USP38: variants seen among roughly 807,000 people sequenced by gnomAD.
USP38 encodes ubiquitin carboxyl-terminal hydrolase 38.
USP38 carries 49 observed loss-of-function variants against 94.3 expected under a neutral mutation model. The ratio of observed to expected loss-of-function variants is 0.52; its 90% CI spans 0.41 to 0.66. The LOEUF (loss-of-function observed/expected upper bound fraction) is 0.66. Ranked by LOEUF, USP38 falls within the 30% of genes least tolerant of loss-of-function variation. The pLI is 0.00. For missense variants in USP38, 1,128 were observed against 1,229.4 expected, an observed-to-expected ratio of 0.92 and a Z score of 1.23; for synonymous variants, 468 against 463.6, an observed-to-expected ratio of 1.01 and a Z score of -0.12.
At chr4:143,209,416 A>T in intron 6 of USP38, 148 bp from the exon 7 acceptor site, 1 of 483,208 alleles carries the variant, frequency 2.1e-6, no homozygotes, top group Non-Finnish European at 3.6e-6. Flanking sequence ...AGGTGGGTGG[A>T]TCATTTGAGG....
At chr4:143,203,925 A>C (rs2149608837) in intron 5 of USP38, among the ~76,000 whole-genome samples, 1 of 152,232 alleles carries the variant, frequency 6.6e-6, no homozygotes, top group South Asian at 2.1e-4. Context: ...ATCTTAGAAT[A>C]CAGGAAATGG....
At chr4:143,199,381 G>A (rs1731645593) in intron 4 of USP38, among the ~76,000 whole-genome samples, 1 of 152,056 alleles carries the variant, frequency 6.6e-6, no homozygotes, top group African/African-American at 2.4e-5. Context: ...TATCCAATCT[G>A]TCACTGATGG....
At position 143,186,065 on chromosome 4, in the gene USP38, C is replaced by G. The variant is rs563685827; in HGVS notation, c.615C>G (p.Ile205Met). The part of the protein sequence containing the change: ...VTKVSNLLQN[I>M]WKAEPATLLP... ...AAGTGAGTAACTTGCTGCAGAACAT[C>G]TGGAAGGCCGAGCCTGCCACACTAC... is the stretch of plus-strand genomic sequence containing the variant. Residue 205 changes from isoleucine to methionine, a missense_variant, in exon 1 of 10, where the codon ATC (isoleucine) becomes ATG (methionine). Coordinates refer to ENST00000307017, the MANE Select transcript of USP38 (RefSeq NM_032557.6). 1 of 1,614,188 alleles carries G rather than the reference C, an allele frequency of 6.2e-7. No homozygotes were observed. The highest frequency in any genetic ancestry group is 1.3e-5 in the African/African-American group (1 of 75,038).
At position 143,216,657 on chromosome 4, in the gene USP38, T is replaced by C. The variant is rs545799363; in HGVS notation, c.2967+1714T>C. Among the ~76,000 whole-genome samples the C allele has an allele frequency of 2.0e-5, 3 of 152,010 alleles. No individual in the cohort carries two copies. In the East Asian group the frequency reaches 5.8e-4, roughly 30 times the overall value. ...CCTGGCTAATTTTTTAAAAAAAATT[T>C]TTTAAAGATTGTCTTGCTATTTTAC... On this transcript the variant is annotated intron_variant, in intron 9 of 9. Transcript: ENST00000307017.
At chr4:143,190,311 A>T (rs796657718) in intron 2 of USP38, among the ~76,000 whole-genome samples, 15 of 152,224 alleles carry the variant, frequency 9.9e-5, no homozygotes, top group African/African-American at 3.1e-4. Flanking sequence ...TACTCACCAC[A>T]GTCTTTTGAA....
At position 143,220,344 on chromosome 4, in the gene USP38, C is replaced by T. The variant is rs1732290151; in HGVS notation, c.3017C>T (p.Ser1006Leu). Residue 1006 changes from serine to leucine, a missense_variant, in exon 10 of 10, where the codon TCA (serine) becomes TTA (leucine). By Grantham distance (145) the Ser-to-Leu change is moderately radical. Coordinates refer to ENST00000307017, the MANE Select transcript of USP38 (RefSeq NM_032557.6). ...CGGGCCCTCCAAGCTGCATCTGCTTCATGTTCATTTCGGCCCAATGGATTT... is the reference window on the plus strand; with the variant it reads ...CGGGCCCTCCAAGCTGCATCTGCTTTATGTTCATTTCGGCCCAATGGATTT... Reference protein sequence around the residue: ...RARALQAASASCSFRPNGFDD... With the variant: ...RARALQAASALCSFRPNGFDD... 6.2e-7 allele frequency: 1 copy of T among 1,613,248 alleles called. No individual in the cohort carries two copies. Among genetic ancestry groups the T allele is most frequent in the Admixed American group, 1.7e-5 (1 of 59,912 alleles).
chr4:143,202,189 A>G (rs1199257329), intron 4 of USP38, among the ~76,000 whole-genome samples: 1 of 152,164 alleles, frequency 6.6e-6, no homozygotes, highest in Non-Finnish European at 1.5e-5. Context: ...TGATAGCAAT[A>G]GAATGAACTC....
rs994172476 is a variant in USP38 at position 143,185,626 on chromosome 4, A to G, written c.176A>G (p.Gln59Arg). 6.2e-7 allele frequency: 1 copy of G among 1,614,166 alleles called. No homozygotes were observed. The highest frequency in any genetic ancestry group is 1.7e-5 in the Admixed American group (1 of 60,028). ...ILEGQDPFQR[Q>R]VGHQVLEAYA... ...GAGGGCCAGGACCCTTTCCAGCGGC[A>G]GGTGGGGCACCAGGTGCTGGAGGCC... The change falls in exon 1 of 10, where the codon CAG becomes CGG. Residue 59 changes from glutamine to arginine, a missense_variant. Coordinates refer to ENST00000307017, the MANE Select transcript of USP38 (RefSeq NM_032557.6).
chr4:143,195,876 A>G, intron 3 of USP38, 31 bp downstream of exon 3: 1 of 1,546,586 alleles, frequency 6.5e-7, no homozygotes, highest in Non-Finnish European at 8.7e-7. Context: ...CTATTAGAAT[A>G]TATAGACTCA....
rs1732290978 is a variant in USP38 at position 143,220,364 on chromosome 4, G to A, written c.3037G>A (p.Gly1013Arg). Residue 1013 changes from glycine to arginine, a missense_variant, in exon 10 of 10, where the codon GGA becomes AGA. By Grantham distance (125) the Gly-to-Arg change is moderately radical. Coordinates refer to ENST00000307017, the MANE Select transcript of USP38 (RefSeq NM_032557.6). ...ASASCSFRPN[G>R]FDDNDPPGSC... ...TGCTTCATGTTCATTTCGGCCCAAT[G>A]GATTTGATGACAACGACCCACCAGG... The A allele has an allele frequency of 6.2e-7, 1 of 1,613,380 alleles. No individual in the cohort carries two copies. The highest frequency in any genetic ancestry group is 1.3e-5 in the African/African-American group (1 of 74,840).
At position 143,223,117 on chromosome 4, in the gene USP38, A is replaced by G. The variant is rs1560678223; in HGVS notation, c.*2661A>G. Reference sequence around the variant, plus strand: ...GAGATATGCAAAGAAGGAAATATATATGATGTCACACAAGCTCCAGTAAGC... The same window carrying G: ...GAGATATGCAAAGAAGGAAATATATGTGATGTCACACAAGCTCCAGTAAGC... On this transcript the variant is annotated 3_prime_UTR_variant, in exon 10 of 10. Coordinates refer to ENST00000307017, the MANE Select transcript of USP38 (RefSeq NM_032557.6). The G allele has an allele frequency of 6.6e-6, 1 of 152,176 alleles. No individual in the cohort carries two copies. Among genetic ancestry groups the G allele is most frequent in the Admixed American group, 6.6e-5 (1 of 15,262 alleles). 9.4% of individuals were successfully genotyped at this position (152,176 alleles called of 1,614,324 possible).
At position 143,213,853 on chromosome 4, in the gene USP38, T is replaced by C. The variant is rs146620037; in HGVS notation, c.1877T>C (p.Leu626Ser). 5.9e-4 allele frequency: 951 copies of C among 1,613,844 alleles called. 8 individuals carry two copies. The African/African-American group carries it at 0.012, about 20-fold the overall frequency. ...CTTGCCTTTTGTCCTTCCTCTTCTT[T>C]GGAAAACATGTCTGTCCAAGATCCA... ...LSLAFCPSSS[L>S]ENMSVQDPAS... The change falls in exon 9 of 10, where the codon TTG becomes TCG. Residue 626 changes from leucine (L) to serine (S), a missense_variant. Coordinates refer to ENST00000307017, the MANE Select transcript of USP38 (RefSeq NM_032557.6).
At chr4:143,212,504 TA>T in intron 8 of USP38, 80 bp downstream of exon 8, 1 of 785,528 alleles carries the variant, frequency 1.3e-6, no homozygotes, top group East Asian at 3.0e-5. Context: ...CTTTTACCTT[TA>T]AAAACATATT....
intron 4 of USP38, among the ~76,000 whole-genome samples, chr4:143,199,640 A>G (rs1281724487): frequency 1.3e-5 from 2 of 152,088 alleles, no homozygotes; most frequent in East Asian, 3.9e-4. Context: ...CCTCACCAGC[A>G]TGTCTTCTTT....
intron 9 of USP38, among the ~76,000 whole-genome samples, chr4:143,219,866 T>C (rs750542447): frequency 6.6e-6 from 1 of 152,108 alleles, no homozygotes; most frequent in Non-Finnish European, 1.5e-5. Flanking sequence ...TAGATATTAC[T>C]GTGAGGAGTT....
At position 143,187,917 on chromosome 4, in the gene USP38, G is replaced by A. The variant is rs1561236454; in HGVS notation, c.774G>A (p.Thr258=). ...MITVLIRSLT[T]DPNVKDASMT... ...CAGTTCTCATCAGGAGCCTTACTAC[G>A]GATCCAAATGTAAAAGATGCAAGTA... The change falls in exon 2 of 10, where the codon ACG becomes ACA. Residue 258 remains threonine (T), a synonymous_variant. Transcript: ENST00000307017. The A allele has an allele frequency of 1.2e-6, 2 of 1,613,502 alleles. No homozygotes were observed. Among genetic ancestry groups the A allele is most frequent in the Non-Finnish European group, 1.7e-6 (2 of 1,179,746 alleles).
Position 143,187,816 on chromosome 4 carries a change from G to GA in USP38, c.683-4dup, listed in dbSNP as rs760896758. On this transcript the variant is annotated splice_polypyrimidine_tract_variant and intron_variant, in intron 1 of 9. Transcript: ENST00000307017. ...GCCATGTTCCCTTTTCTTTTTAATT[G>GA]AAAAAACAGATGCATCATTTGAACC... 1.1e-5 allele frequency: 18 copies of GA among 1,588,794 alleles called. No homozygotes were observed. The highest frequency in any genetic ancestry group is 2.3e-5 in the East Asian group (1 of 43,964).
intron 3 of USP38, among the ~76,000 whole-genome samples, chr4:143,196,479 T>A (rs542351745): frequency 1.1e-4 from 16 of 152,284 alleles, no homozygotes; most frequent in African/African-American, 3.9e-4. Flanking sequence ...TCAGGCCTCG[T>A]CTCATTTGAC....
chr4:143,191,213 A>G (rs1357517013), intron 2 of USP38, among the ~76,000 whole-genome samples: 1 of 152,196 alleles, frequency 6.6e-6, no homozygotes, highest in Non-Finnish European at 1.5e-5. Flanking sequence ...GTCATTTTCT[A>G]TAATCCATAG....
Sources: allele counts gnomAD v4.1 joint callset (sites outside exome capture counted in the v4.1 genomes callset), GRCh38; gene constraint gnomAD v4.1.1; transcripts MANE v1.5; gene names NCBI Gene and HGNC (gene_info 2026-07-23, HGNC 2026-07-21).